IGSF10: variants seen among roughly 807,000 people sequenced by gnomAD.
IGSF10 encodes calvaria mechanical force protein 608.
A neutral mutation model predicts 128.2 loss-of-function variants in IGSF10; 126 were observed. That is an observed-to-expected ratio of 0.98 (90% CI 0.85 to 1.14). The LOEUF (loss-of-function observed/expected upper bound fraction) is 1.14, where lower values mean the gene tolerates loss of function less well. IGSF10 is among the 50% of genes most tolerant of loss of function. The probability of loss-of-function intolerance (pLI) is 0.00; values close to 1 mark genes in which losing one functional copy is unlikely to be tolerated. For missense variants in IGSF10, 3,295 were observed against 3,149.8 expected (o/e 1.05, Z -1.10); for synonymous variants, 1,185 against 1,146.2 (o/e 1.03, Z -0.68).
chr3:151,526,038 T>A, the IGSF10 span, among the ~76,000 whole-genome samples: 1 of 152,206 alleles, frequency 6.6e-6, no homozygotes, highest in African/African-American at 2.4e-5. Context: ...TTTTAACTTC[T>A]TGTTGCTCCA....
At chr3:151,579,730 A>G in the IGSF10 span, among the ~76,000 whole-genome samples, 16 of 152,032 alleles carry the variant, frequency 1.1e-4, no homozygotes, top group African/African-American at 3.1e-4. Flanking sequence ...TTGAAAAGAT[A>G]ATGGCTGAGT....
At chr3:151,575,359 T>C in the IGSF10 span, among the ~76,000 whole-genome samples, 3 of 152,308 alleles carry the variant, frequency 2.0e-5, no homozygotes, top group African/African-American at 7.2e-5. Flanking sequence ...GCAGGCCTCA[T>C]TGAGCTGCGG....
chr3:151,598,507 A>G, the IGSF10 span, among the ~76,000 whole-genome samples: 1 of 152,228 alleles, frequency 6.6e-6, no homozygotes, highest in Non-Finnish European at 1.5e-5. Context: ...ACCAAAATCC[A>G]TGGATACTCA....
the IGSF10 span, among the ~76,000 whole-genome samples, chr3:151,613,612 G>A: frequency 0.32 from 47,606 of 150,888 alleles, 7,809 homozygotes; most frequent in East Asian, 0.63. Flanking sequence ...TGGGAAAACT[G>A]GCTAGCCATA....
rs770458252 is a variant in IGSF10 at position 151,436,838 on chromosome 3, T to C, written c.7723A>G (p.Lys2575Glu). 1 of 1,614,072 alleles carries C rather than the reference T, an allele frequency of 6.2e-7. No homozygotes were observed. Among genetic ancestry groups the C allele is most frequent in the African/African-American group, 1.3e-5 (1 of 74,934 alleles). Residue 2575 changes from lysine (K) to glutamate (E), a missense_variant, in exon 8 of 8, where the codon AAA becomes GAA. Lys to Glu is a moderately conservative substitution (Grantham distance 56). Transcript: ENST00000282466. ...PDHSLLSTASKERTHGSEQLH... is the reference protein window; with the variant it reads ...PDHSLLSTASEERTHGSEQLH... ...TGCTCACTTCCATGTGTCCTCTCTT[T>C]ACTTGCCGTTGAGAGAAGGGAGTGG...
the IGSF10 span, among the ~76,000 whole-genome samples, chr3:151,543,233 C>T: frequency 1.3e-5 from 2 of 151,878 alleles, no homozygotes; most frequent in East Asian, 1.9e-4. Flanking sequence ...CCTATGCTGC[C>T]GTCCAAGGGG....
chr3:151,576,255 C>T, the IGSF10 span, among the ~76,000 whole-genome samples: 1 of 151,898 alleles, frequency 6.6e-6, no homozygotes, highest in East Asian at 1.9e-4. Context: ...TAGACTTTAG[C>T]ATTACAAAAT....
the IGSF10 span, among the ~76,000 whole-genome samples, chr3:151,507,406 T>TAA: frequency 1.3e-5 from 2 of 152,206 alleles, no homozygotes; most frequent in Non-Finnish European, 2.9e-5. Flanking sequence ...TATATTAAAT[T>TAA]AAGTAGATAA....
At position 151,443,904 on chromosome 3, in the gene IGSF10, A is replaced by C. The variant is rs1038369520; in HGVS notation, c.5063-20T>G. 4 of 1,547,760 alleles carry C rather than the reference A, an allele frequency of 2.6e-6. No homozygotes were observed. Among genetic ancestry groups the C allele is most frequent in the African/African-American group, 1.4e-5 (1 of 72,436 alleles). On this transcript the variant is annotated intron_variant, in intron 6 of 7. Transcript: ENST00000282466. ...CAAGTCCTGAGAAGAAAAAAAGAAA[A>C]TTATTGCTACGGGTCATCAAAGTTT...
At chr3:151,473,096 T>C in the IGSF10 span, among the ~76,000 whole-genome samples, 1 of 152,224 alleles carries the variant, frequency 6.6e-6, no homozygotes, top group Non-Finnish European at 1.5e-5. Context: ...AAGACTTCTC[T>C]ACCATCATGA....
chr3:151,559,755 T>G, the IGSF10 span, among the ~76,000 whole-genome samples: 1 of 152,104 alleles, frequency 6.6e-6, no homozygotes, highest in Non-Finnish European at 1.5e-5. Context: ...TATCCTGAAT[T>G]ATTTTGAATA....
At chr3:151,578,159 A>G in the IGSF10 span, among the ~76,000 whole-genome samples, 46 of 152,360 alleles carry the variant, frequency 3.0e-4, no homozygotes, top group South Asian at 8.1e-3. Context: ...CATATCTTCA[A>G]TAAAATTTGT....
intron 5 of IGSF10, among the ~76,000 whole-genome samples, chr3:151,449,751 TTATTTCCATTATCCAAAAGAA>T (rs1218418441): frequency 1.3e-5 from 2 of 152,230 alleles, no homozygotes; most frequent in African/African-American, 4.8e-5. Flanking sequence ...AAACCCAAGT[TTATTTCCATTATCCAAAAGAA>T]TATTGACTGA....
the IGSF10 span, among the ~76,000 whole-genome samples, chr3:151,588,153 A>G: frequency 2.0e-5 from 3 of 152,234 alleles, no homozygotes; most frequent in Admixed American, 1.3e-4. Context: ...ATAATAGTGT[A>G]TCAATTATTT....
At chr3:151,461,227 C>T, upstream of IGSF10, 7 of 985,402 alleles carry the variant, frequency 7.1e-6, no homozygotes, top group Non-Finnish European at 8.4e-6. Flanking sequence ...CCAGGGCTTT[C>T]TCCTAGCAAG....
Position 151,445,651 on chromosome 3 carries a change from T to C in IGSF10, c.4330A>G (p.Ser1444Gly), listed in dbSNP as rs567599206. 1.9e-6 allele frequency: 3 copies of C among 1,614,236 alleles called. No individual in the cohort carries two copies. The highest frequency in any genetic ancestry group is 2.5e-6 in the Non-Finnish European group (3 of 1,180,046). The change falls in exon 6 of 8, where the codon AGC (serine) becomes GGC (glycine). Residue 1444 changes from serine (S) to glycine (G), a missense_variant. Transcript: ENST00000282466. ...STIASETTLS[S>G]KSHQSTTTRK... ...GTTGTGGTACTCTGGTGTGATTTGC[T>C]GGACAAAGTTGTTTCAGAAGCAATT...
At chr3:151,503,319 T>C in the IGSF10 span, among the ~76,000 whole-genome samples, 160 of 152,032 alleles carry the variant, frequency 1.1e-3, no homozygotes, top group Non-Finnish European at 1.4e-3. Flanking sequence ...GGTCTTCAGT[T>C]AAAACATAAG....
At chr3:151,582,034 C>G in the IGSF10 span, among the ~76,000 whole-genome samples, 2 of 152,014 alleles carry the variant, frequency 1.3e-5, no homozygotes, top group Non-Finnish European at 2.9e-5. Context: ...CCACTGCACT[C>G]CAGCCTGGGT....
chr3:151,446,756 G>A lies in IGSF10; in HGVS notation c.3225C>T (p.Ala1075=). Residue 1075 remains alanine, a synonymous_variant, in exon 6 of 8, where the codon GCC becomes GCT. Coordinates refer to ENST00000282466, the MANE Select transcript of IGSF10 (RefSeq NM_178822.5). Reference sequence around the variant, plus strand: ...CACTTGGAAAAGACAATGCTGCTGTGGCAGTGGTGAGCCTCTCCCTGGGAA... The same window carrying A: ...CACTTGGAAAAGACAATGCTGCTGTAGCAGTGGTGAGCCTCTCCCTGGGAA... ...SCLPRERLTT[A]TAALSFPSAA... is the part of the protein sequence containing the mutation. The A allele has an allele frequency of 6.2e-7, 1 of 1,614,138 alleles. No individual in the cohort carries two copies. The highest frequency in any genetic ancestry group is 8.5e-7 in the Non-Finnish European group (1 of 1,180,002).
Sources: gnomAD v4.1 joint callset for allele counts (sites outside exome capture counted in the v4.1 genomes callset) on GRCh38, gnomAD v4.1.1 for gene constraint, MANE v1.5 for transcripts, NCBI Gene and HGNC (gene_info 2026-07-23, HGNC 2026-07-21) for gene names.